NFASC: variants seen among roughly 807,000 people sequenced by gnomAD.
NFASC encodes the protein neurofascin homolog.
NFASC carries 43 observed loss-of-function variants against 147.5 expected under a neutral mutation model. The ratio of observed to expected loss-of-function variants is 0.29; its 90% CI spans 0.23 to 0.38. The LOEUF is 0.38. NFASC is among the 10% of genes least tolerant of loss of function. The pLI, the probability that NFASC is intolerant of heterozygous loss-of-function variation, is 1.00. For missense variants in NFASC, 1,320 were observed against 1,689.0 expected, an observed-to-expected ratio of 0.78 and a Z score of 3.83; for synonymous variants, 622 against 665.5, an observed-to-expected ratio of 0.93 and a Z score of 1.01.
In NFASC at chr1:204,986,422, C is replaced by T. The variant is rs1222103428; in HGVS notation, c.2471-996C>T. ...GCACCTGGGCCACCCCACCACCTTC[C>T]GAGGCAGAAGGCAGCACGTCCATCC... On this transcript the variant is annotated intron_variant, in intron 21 of 29. Coordinates refer to ENST00000339876, the MANE Select transcript of NFASC (RefSeq NM_001005388.3). This position sits in a 1 kb window ranked among gnomAD's most constrained non-coding sequence, Gnocchi z 4.2. Among the ~76,000 whole-genome samples, 2 of 152,254 alleles carry T rather than the reference C, an allele frequency of 1.3e-5. No individual in the cohort carries two copies. The highest frequency in any genetic ancestry group is 4.8e-5 in the African/African-American group (2 of 41,464).
At chr1:205,012,961 C>A in intron 29 of NFASC, 95 bp downstream of exon 29, 1 of 857,234 alleles carries the variant, frequency 1.2e-6, no homozygotes, top group Non-Finnish European at 2.0e-6. Context: ...GGCTGAGAGG[C>A]CATGAGTAGC....
At chr1:204,865,573 A>T (rs1159079043) in intron 1 of NFASC, among the ~76,000 whole-genome samples, 1 of 152,242 alleles carries the variant, frequency 6.6e-6, no homozygotes, top group Admixed American at 6.5e-5. Context: ...CTTGTCAAAA[A>T]TCAGTTGACC....
chr1:205,002,873 T>C, intron 27 of NFASC, 125 bp downstream of exon 27: 1 of 716,316 alleles, frequency 1.4e-6, no homozygotes, highest in Non-Finnish European at 2.0e-6. Context: ...CCACCTTGCA[T>C]GGCGTGTCTC....
At position 204,968,890 on chromosome 1, in the gene NFASC, C is replaced by A. The variant is rs1211581128; in HGVS notation, c.911C>A (p.Thr304Lys). Residue 304 changes from threonine to lysine, a missense_variant, in exon 10 of 30, where the codon ACA (threonine) becomes AAA (lysine). This residue lies in a region of NFASC where 981 missense variants were observed against 1,289.5 expected (regional missense o/e 0.76). Coordinates refer to ENST00000339876, the MANE Select transcript of NFASC (RefSeq NM_001005388.3). The surrounding 1 kb of genome is among the most constrained non-coding windows in gnomAD (Gnocchi z 5.4). ...FENFNKALRI[T>K]NVSEEDSGEY... Reference sequence around the variant, plus strand: ...AACTTTAATAAGGCCCTGCGTATCACAAATGTCTCTGAGGAAGACTCCGGG... The same window carrying A: ...AACTTTAATAAGGCCCTGCGTATCAAAAATGTCTCTGAGGAAGACTCCGGG... 3 of 1,614,044 alleles carry A rather than the reference C, an allele frequency of 1.9e-6. No homozygotes were observed. Among genetic ancestry groups the A allele is most frequent in the South Asian group, 1.1e-5 (1 of 91,064 alleles).
At chr1:204,958,629 G>A (rs2094527810) in intron 8 of NFASC, among the ~76,000 whole-genome samples, 1 of 152,146 alleles carries the variant, frequency 6.6e-6, no homozygotes, top group East Asian at 1.9e-4. Context: ...TGTACACCAT[G>A]GATTTGTAAC....
At chr1:204,932,949 CAG>C (rs2092496257) in intron 2 of NFASC, among the ~76,000 whole-genome samples, 1 of 152,066 alleles carries the variant, frequency 6.6e-6, no homozygotes. Flanking sequence ...CTTCCAGGCA[CAG>C]GGGATCACAT....
rs773129913 is a variant in NFASC at position 205,001,285 on chromosome 1, C to G, written c.3135C>G (p.Asp1045Glu). Residue 1045 changes from aspartate (D) to glutamate (E), a missense_variant and splice_region_variant, in exon 26 of 30, where the codon GAC (aspartate) becomes GAG (glutamate). Coordinates refer to ENST00000339876, the MANE Select transcript of NFASC (RefSeq NM_001005388.3). ...PGTDFVVEYI[D>E]SNHTKKTVPV... The stretch of plus-strand genomic sequence containing the variant: ...CTGACTTTGTGGTTGAGTACATCGA[C>G]AGTAAGCATTGCTGTGCGGGGTGGT... 1 of 1,601,726 alleles carries G rather than the reference C, an allele frequency of 6.2e-7. No individual in the cohort carries two copies. The highest frequency in any genetic ancestry group is 1.7e-5 in the Admixed American group (1 of 59,484).
intron 1 of NFASC, among the ~76,000 whole-genome samples, chr1:204,856,982 A>G (rs2076210473): frequency 6.6e-6 from 1 of 152,204 alleles, no homozygotes; most frequent in South Asian, 2.1e-4. Flanking sequence ...GCTGCTATGA[A>G]CACATAAGTA....
intron 1 of NFASC, among the ~76,000 whole-genome samples, chr1:204,848,596 G>T (rs1421588928): frequency 6.6e-6 from 1 of 152,192 alleles, no homozygotes; most frequent in Non-Finnish European, 1.5e-5. Flanking sequence ...AATGTTATTT[G>T]TCTGATTATA....
chr1:204,991,276 G>T lies in NFASC; in HGVS notation c.2768-16G>T, dbSNP rs963941608. Reference sequence around the variant, plus strand: ...TTCTCCCTCTGTCTGGCCATCTTGGGCGCTGTGTTCTGAAGCTACTCCAAC... The same window carrying T: ...TTCTCCCTCTGTCTGGCCATCTTGGTCGCTGTGTTCTGAAGCTACTCCAAC... On this transcript the variant is annotated splice_polypyrimidine_tract_variant and intron_variant, in intron 23 of 29. Transcript: ENST00000339876. 3.7e-6 allele frequency: 6 copies of T among 1,612,618 alleles called. No individual in the cohort carries two copies. In the East Asian group the frequency reaches 1.1e-4, roughly 30 times the overall value.
At chr1:204,938,262 C>T (rs1426812049) in intron 2 of NFASC, among the ~76,000 whole-genome samples, 1 of 152,178 alleles carries the variant, frequency 6.6e-6, no homozygotes, top group Admixed American at 6.5e-5. Flanking sequence ...ACCATGGATG[C>T]GTCATTATTA....
At chr1:204,837,737 G>C (rs6656806) in intron 1 of NFASC, among the ~76,000 whole-genome samples, 1 of 151,924 alleles carries the variant, frequency 6.6e-6, no homozygotes, top group Non-Finnish European at 1.5e-5. Context: ...GTAACGCCGG[G>C]GAATGCTTAC....
At chr1:204,967,972 C>CATTAAAAAAGATT in intron 8 of NFASC, 1 of 346,450 alleles carries the variant, frequency 2.9e-6, no homozygotes, top group South Asian at 3.5e-5. Flanking sequence ...CCTCCCCGTT[C>CATTAAAAAAGATT]CAGGGAAGGG....
Position 204,944,298 on chromosome 1 carries a change from C to T in NFASC, c.-18C>T. 1 of 1,611,746 alleles carries T rather than the reference C, an allele frequency of 6.2e-7. No homozygotes were observed. The highest frequency in any genetic ancestry group is 8.5e-7 in the Non-Finnish European group (1 of 1,179,218). On this transcript the variant is annotated 5_prime_UTR_variant, in exon 3 of 30. It introduces an in-frame stop codon into an upstream open reading frame of the 5' UTR. Coordinates refer to ENST00000339876, the MANE Select transcript of NFASC (RefSeq NM_001005388.3). ...ACCCCGAGTGCTGGGGAGCAGGGAG[C>T]AGGGCCAGGTGCCGAGGATGGCCAG... is the stretch of plus-strand genomic sequence containing the variant.
At position 204,979,490 on chromosome 1, in the gene NFASC, A is replaced by T. The variant is rs2095472289; in HGVS notation, c.2107A>T (p.Ile703Phe). 1 of 1,613,762 alleles carries T rather than the reference A, an allele frequency of 6.2e-7. No individual in the cohort carries two copies. Among genetic ancestry groups the T allele is most frequent in the Non-Finnish European group, 8.5e-7 (1 of 1,180,036 alleles). ...GTATGTCAACTACCAGTTCCGTGTC[A>T]TTGCCATCAACGAGGTTGGGAGCAG... ...SPYVNYQFRV[I>F]AINEVGSSHP... Residue 703 changes from isoleucine (I) to phenylalanine (F), a missense_variant, in exon 19 of 30, where the codon ATT (isoleucine) becomes TTT (phenylalanine). By Grantham distance (21) the Ile-to-Phe change is conservative. Coordinates refer to ENST00000339876, the MANE Select transcript of NFASC (RefSeq NM_001005388.3). The surrounding 1 kb of genome is among the most constrained non-coding windows in gnomAD (Gnocchi z 6.0).
At chr1:204,973,089 G>T (rs1199654210) in intron 11 of NFASC, among the ~76,000 whole-genome samples, 187 bp from the exon 12 acceptor site, 1 of 152,182 alleles carries the variant, frequency 6.6e-6, no homozygotes, top group Non-Finnish European at 1.5e-5. Flanking sequence ...AACCCCAAAG[G>T]TTCAGAGAAG....
intron 17 of NFASC, 37 bp from the exon 18 acceptor site, chr1:204,978,931 T>G (rs540170472): frequency 6.7e-7 from 1 of 1,495,752 alleles, no homozygotes; most frequent in East Asian, 2.5e-5. Flanking sequence ...GGACCTGCTC[T>G]AACTCAGGAG....
At chr1:204,910,716 T>A (rs1010995257) in intron 1 of NFASC, among the ~76,000 whole-genome samples, 4 of 152,100 alleles carry the variant, frequency 2.6e-5, no homozygotes, top group African/African-American at 9.7e-5. Context: ...TTATCCAGGC[T>A]GGTCTTGAAC....
At chr1:204,895,293 C>T (rs1180321418) in intron 1 of NFASC, among the ~76,000 whole-genome samples, 5 of 152,180 alleles carry the variant, frequency 3.3e-5, no homozygotes, top group Non-Finnish European at 5.9e-5. Flanking sequence ...GCTTTCAAGA[C>T]CCAGACTGTC....
Sources: allele counts gnomAD v4.1 joint callset (sites outside exome capture counted in the v4.1 genomes callset), GRCh38; gene constraint gnomAD v4.1.1; regional missense constraint gnomAD v4.1.1; non-coding constraint Gnocchi (gnomAD v3.1); transcripts MANE v1.5; gene names NCBI Gene and HGNC (gene_info 2026-07-23, HGNC 2026-07-21).